Variants in SLAIN2 observed in about 807,000 individuals in gnomAD.
The protein encoded by SLAIN2 is SLAIN family member 2, also known as SLAIN motif-containing protein 2.
SLAIN2 carries 31 observed loss-of-function variants against 56.6 expected under a neutral mutation model. The observed-to-expected ratio is 0.55, with a 90% CI of 0.41 to 0.74. The LOEUF (loss-of-function observed/expected upper bound fraction) is 0.74, where lower values mean the gene tolerates loss of function less well. SLAIN2 is among the 30% of genes least tolerant of loss of function. The pLI is 0.00. For synonymous variants in SLAIN2, 317 were observed against 284.9 expected, an observed-to-expected ratio of 1.11 and a Z score of -1.13; for missense variants, 777 against 754.2, an observed-to-expected ratio of 1.03 and a Z score of -0.35.
intron 6 of SLAIN2, among the ~76,000 whole-genome samples, chr4:48,408,220 C>G (rs1451134510): frequency 4.6e-5 from 7 of 151,918 alleles, no homozygotes; most frequent in Non-Finnish European, 1.0e-4. Context: ...GTCCCAGCCA[C>G]TCAGGAGGGT....
intron 1 of SLAIN2, among the ~76,000 whole-genome samples, chr4:48,342,711 CTTTTTTTTT>C (rs761272695): frequency 2.4e-4 from 16 of 65,946 alleles, no homozygotes; most frequent in Non-Finnish European, 2.8e-4. Context: ...GATGGTGCTG[CTTTTTTTTT>C]TTTTTTTTTT....
chr4:48,415,333 GT>G (rs1716969371), intron 6 of SLAIN2, among the ~76,000 whole-genome samples: 1 of 63,148 alleles, frequency 1.6e-5, no homozygotes, highest in Non-Finnish European at 3.6e-5. Context: ...TTCTTCATGT[GT>G]TTTTTGGCTG....
intron 6 of SLAIN2, among the ~76,000 whole-genome samples, chr4:48,399,508 CT>C: frequency 6.6e-6 from 1 of 152,218 alleles, no homozygotes; most frequent in South Asian, 2.1e-4. Flanking sequence ...TTTCTCTTAC[CT>C]GATTGCCCTG....
At chr4:48,380,046 A>G (rs1715929573) in intron 4 of SLAIN2, among the ~76,000 whole-genome samples, 198 bp downstream of exon 4, 1 of 152,062 alleles carries the variant, frequency 6.6e-6, no homozygotes, top group South Asian at 2.1e-4. Context: ...TACATAGAGC[A>G]GTTATGCTGT....
At chr4:48,354,470 T>C (rs1297825749) in intron 1 of SLAIN2, among the ~76,000 whole-genome samples, 1 of 152,092 alleles carries the variant, frequency 6.6e-6, no homozygotes, top group Non-Finnish European at 1.5e-5. Flanking sequence ...ACGGATATTT[T>C]TTTTTTTCCC....
rs578031639 is a variant in SLAIN2, at chr4:48,376,833, G to A, written c.539-1063G>A. On this transcript the variant is annotated intron_variant, in intron 2 of 7. Coordinates refer to ENST00000264313, the MANE Select transcript of SLAIN2 (RefSeq NM_020846.2). The stretch of plus-strand genomic sequence containing the variant: ...AGAGACGGGGTTTCACCGTGGTCTC[G>A]AGCTCCTGACCTCGTGATCCGCCCG... Among the ~76,000 whole-genome samples the A allele has an allele frequency of 2.4e-3, 357 of 149,694 alleles. 1 individual carries two copies. Among genetic ancestry groups the A allele is most frequent in the African/African-American group, 8.3e-3 (341 of 40,848 alleles).
intron 1 of SLAIN2, among the ~76,000 whole-genome samples, chr4:48,361,662 C>T (rs1715331107): frequency 6.6e-6 from 1 of 152,018 alleles, no homozygotes. Context: ...GTTCTTTGGC[C>T]TTTGCATTTT....
chr4:48,385,367 G>T (rs987225355), intron 6 of SLAIN2, among the ~76,000 whole-genome samples: 2 of 152,094 alleles, frequency 1.3e-5, no homozygotes, highest in African/African-American at 4.8e-5. Flanking sequence ...AGACACAAAG[G>T]GTGCATATTC....
intron 6 of SLAIN2, among the ~76,000 whole-genome samples, chr4:48,400,681 G>A (rs1222561250): frequency 6.6e-6 from 1 of 151,986 alleles, no homozygotes; most frequent in African/African-American, 2.4e-5. Context: ...GATTACAGGC[G>A]TGAGCCACTG....
intron 1 of SLAIN2, among the ~76,000 whole-genome samples, chr4:48,365,627 C>G (rs1419363249): frequency 6.6e-6 from 1 of 151,750 alleles, no homozygotes; most frequent in Non-Finnish European, 1.5e-5. Flanking sequence ...GTGGCGGGAT[C>G]TTGGCTCACT....
chr4:48,361,480 T>C (rs1355630327), intron 1 of SLAIN2, among the ~76,000 whole-genome samples: 1 of 152,146 alleles, frequency 6.6e-6, no homozygotes, highest in Non-Finnish European at 1.5e-5. Flanking sequence ...AAAAACTCCA[T>C]CTTAAGGGCA....
intron 4 of SLAIN2, among the ~76,000 whole-genome samples, chr4:48,380,653 A>G (rs1447405999): frequency 1.3e-5 from 2 of 152,210 alleles, no homozygotes; most frequent in Admixed American, 1.3e-4. Flanking sequence ...TTGCCAGTGC[A>G]TTTCATTAGA....
intron 6 of SLAIN2, among the ~76,000 whole-genome samples, chr4:48,419,761 A>G (rs554867351): frequency 4.7e-4 from 71 of 152,340 alleles, no homozygotes; most frequent in African/African-American, 1.6e-3. Flanking sequence ...AATTCTAGAC[A>G]ACAGTTGGGT....
rs1717193696 is a variant in SLAIN2 at position 48,422,766 on chromosome 4, C to T, written c.*689C>T. The T allele has an allele frequency of 1.3e-5, 2 of 152,354 alleles. No individual in the cohort carries two copies. The highest frequency in any genetic ancestry group is 4.1e-4 in the South Asian group (2 of 4,830). 9.4% of individuals were successfully genotyped at this position (152,354 alleles called of 1,614,324 possible). A position where few individuals can be genotyped will look rare whatever the true frequency, so the allele number is the denominator to read the frequency against. ...AGATAGTGTTACAGCATGTATCCAT[C>T]ATGTTGCATTGACACATCAAACTTG... On this transcript the variant is annotated 3_prime_UTR_variant, in exon 8 of 8. Transcript: ENST00000264313.
chr4:48,382,271 G>A (rs919372709), intron 4 of SLAIN2, among the ~76,000 whole-genome samples: 33 of 152,178 alleles, frequency 2.2e-4, no homozygotes, highest in African/African-American at 7.7e-4. Flanking sequence ...TTTAGGGGTA[G>A]AAATATTTTT....
At chr4:48,405,232 A>C (rs1716663489) in intron 6 of SLAIN2, among the ~76,000 whole-genome samples, 1 of 152,186 alleles carries the variant, frequency 6.6e-6, no homozygotes, top group Admixed American at 6.5e-5. Context: ...GACATCGTCC[A>C]CCTGTCTGCT....
intron 1 of SLAIN2, among the ~76,000 whole-genome samples, chr4:48,345,253 G>A (rs1714830815): frequency 1.3e-5 from 2 of 152,160 alleles, no homozygotes; most frequent in South Asian, 4.1e-4. Flanking sequence ...CTACTGTGGT[G>A]TCACTGCTGA....
At chr4:48,352,866 G>A (rs979701532) in intron 1 of SLAIN2, among the ~76,000 whole-genome samples, 3 of 152,228 alleles carry the variant, frequency 2.0e-5, no homozygotes, top group African/African-American at 7.2e-5. Flanking sequence ...CCCACGTGTT[G>A]TGGGAGGGAC....
intron 6 of SLAIN2, among the ~76,000 whole-genome samples, chr4:48,406,319 T>C (rs1716693909): frequency 6.6e-6 from 1 of 152,204 alleles, no homozygotes; most frequent in South Asian, 2.1e-4. Context: ...TAATATTAAA[T>C]GCAGAGCTTG....
Sources: gnomAD v4.1 joint callset for allele counts (sites outside exome capture counted in the v4.1 genomes callset) on GRCh38, gnomAD v4.1.1 for gene constraint, MANE v1.5 for transcripts, NCBI Gene and HGNC (gene_info 2026-07-23, HGNC 2026-07-21) for gene names.